ZNF185: variants seen among roughly 807,000 people sequenced by gnomAD.
ZNF185 encodes the protein zinc finger protein 185 with LIM domain, also known as zinc finger protein 185.
ZNF185 carries 56 observed loss-of-function variants against 58.6 expected under a neutral mutation model. That is an observed-to-expected ratio of 0.95 (90% CI 0.77 to 1.19). ZNF185 has a LOEUF of 1.19. Among genes scored for constraint, ZNF185 ranks in the 50% most tolerant of loss-of-function variants. The pLI, the probability that ZNF185 is intolerant of heterozygous loss-of-function variation, is 0.00. For missense variants in ZNF185, 627 were observed against 573.5 expected (o/e 1.09, Z -0.95); for synonymous variants, 230 against 215.9 (o/e 1.07, Z -0.57).
At chrX:152,926,138 G>C (rs550473345) in intron 11 of ZNF185, among the ~76,000 whole-genome samples, 1 of 112,603 alleles carries the variant, frequency 8.9e-6, no homozygotes, top group East Asian at 2.8e-4. Flanking sequence ...GGGGAGCAGG[G>C]AGTAGGAGCA....
intron 11 of ZNF185, among the ~76,000 whole-genome samples, chrX:152,926,870 C>T (rs1940964529): frequency 8.9e-6 from 1 of 112,864 alleles, no homozygotes; most frequent in Non-Finnish European, 1.9e-5. Flanking sequence ...AAGGGCCATG[C>T]TCCCTCCAAA....
exon 17 of ZNF185, chrX:152,959,821 A>G: frequency 8.3e-7 from 1 of 1,211,865 alleles, no homozygotes; most frequent in Non-Finnish European, 1.1e-6. Context: ...CAACCTGCAG[A>G]TCCCAGTACC....
chrX:152,953,205 C>T (rs1488310500), intron 16 of ZNF185, among the ~76,000 whole-genome samples: 3 of 111,484 alleles, frequency 2.7e-5, no homozygotes, highest in Admixed American at 9.5e-5. Flanking sequence ...CTATCCAGGA[C>T]GATTCTGGCT....
Position 152,967,313 on chromosome X carries a change from CTGT to C in ZNF185, c.1871+77_1871+79del, listed in dbSNP as rs1246364733. The C allele has an allele frequency of 5.7e-6, 6 of 1,048,280 alleles. No individual in the cohort carries two copies. In the African/African-American group the frequency reaches 7.4e-5, roughly 13 times the overall value. 86.4% of individuals were successfully genotyped at this position (1,048,280 alleles called of 1,213,427 possible). A position where few individuals can be genotyped will look rare whatever the true frequency, so the allele number is the denominator to read the frequency against. On this transcript the variant is annotated intron_variant, in intron 20 of 22. Transcript: ENST00000449285. ...AGGGAAGGGAGAGTTCCTGCTGAGT[CTGT>C]TTGCTTTTGTCTTCTGCTTTGCAGC...
intron 22 of ZNF185, 128 bp downstream of exon 24, chrX:152,970,669 G>T (rs2050588662): frequency 1.9e-6 from 1 of 533,729 alleles, no homozygotes; most frequent in African/African-American, 2.4e-5. Flanking sequence ...TATGTTCAGG[G>T]GGCCTTGTGT....
chrX:152,953,823 C>T (rs1358027765), intron 16 of ZNF185, among the ~76,000 whole-genome samples: 1 of 112,198 alleles, frequency 8.9e-6, no homozygotes, highest in Non-Finnish European at 1.9e-5. Flanking sequence ...TCACTGCAAC[C>T]ACCACCTCCC....
chrX:152,916,220 C>T (rs1406767344), intron 3 of ZNF185, among the ~76,000 whole-genome samples: 14 of 111,668 alleles, frequency 1.3e-4, no homozygotes, highest in Admixed American at 1.9e-4. Flanking sequence ...TGGAGACTAC[C>T]GGAGGCTCTG....
upstream of ZNF185, among the ~76,000 whole-genome samples, chrX:152,912,708 G>A (rs781836550): frequency 2.7e-4 from 30 of 112,580 alleles, no homozygotes; most frequent in African/African-American, 8.7e-4. Flanking sequence ...AAGACTAGGA[G>A]GTCCTCCTGC....
intron 21 of ZNF185, 119 bp downstream of exon 23, chrX:152,969,603 C>T (rs2050472505): frequency 1.9e-6 from 1 of 533,459 alleles, no homozygotes; most frequent in South Asian, 2.9e-5. Flanking sequence ...GAGGCTTGAT[C>T]TCCATATACA....
chrX:152,936,260 C>G (rs1381088674), intron 14 of ZNF185, among the ~76,000 whole-genome samples, 158 bp from the exon 16 acceptor site: 1 of 112,662 alleles, frequency 8.9e-6, no homozygotes, highest in Middle Eastern at 4.2e-3. Context: ...CCCCAGGTGT[C>G]AGGCTGCCTT....
upstream of ZNF185, among the ~76,000 whole-genome samples, chrX:152,912,671 G>A (rs782237300): frequency 8.9e-6 from 1 of 112,273 alleles, no homozygotes; most frequent in Non-Finnish European, 1.9e-5. Context: ...GTACAGCCTA[G>A]CAAGGTTAGA....
chrX:152,949,543 C>T (rs887890399), intron 16 of ZNF185, among the ~76,000 whole-genome samples: 1 of 111,876 alleles, frequency 8.9e-6, no homozygotes, highest in Non-Finnish European at 1.9e-5. Context: ...TGATGGGCAG[C>T]ATTTAGAGTC....
At chrX:152,941,723 C>T in intron 15 of ZNF185, 3 of 1,164,267 alleles carry the variant, frequency 2.6e-6, no homozygotes, top group Non-Finnish European at 3.4e-6. Context: ...CCGCCCGGGA[C>T]GAGCTCGGCC....
chrX:152,931,693 C>T, exon 13 of ZNF185: 1 of 1,210,133 alleles, frequency 8.3e-7, no homozygotes, highest in Non-Finnish European at 1.1e-6. Flanking sequence ...GCAACAAAGA[C>T]AAGGAGGCCC....
chrX:152,907,606 C>T, the ZNF185 span, among the ~76,000 whole-genome samples: 6 of 113,182 alleles, frequency 5.3e-5, no homozygotes, highest in Non-Finnish European at 1.1e-4. Context: ...GAAGGGCGGG[C>T]CGGGGCATCT....
chrX:152,949,047 T>C (rs2048045833), intron 16 of ZNF185, among the ~76,000 whole-genome samples: 1 of 111,712 alleles, frequency 9.0e-6, no homozygotes, highest in Non-Finnish European at 1.9e-5. Flanking sequence ...GATCCCAAAT[T>C]GGATGACAGG....
At chrX:152,928,725 T>C (rs1941365094) in intron 12 of ZNF185, 64 bp downstream of exon 13, 1 of 1,114,050 alleles carries the variant, frequency 9.0e-7, no homozygotes, top group African/African-American at 1.8e-5. Flanking sequence ...AGCAGCAGCC[T>C]CAGGTGGCAA....
At chrX:152,939,378 G>C (rs782616583) in intron 15 of ZNF185, among the ~76,000 whole-genome samples, 21 of 112,015 alleles carry the variant, frequency 1.9e-4, no homozygotes, top group Non-Finnish European at 3.8e-4. Context: ...TTGTGAGATG[G>C]GTAAGGTGGG....
exon 11 of ZNF185, chrX:152,922,721 G>A (rs1940002463): frequency 1.7e-6 from 2 of 1,197,722 alleles, no homozygotes; most frequent in Middle Eastern, 2.3e-4. Flanking sequence ...CTTTGCCAGT[G>A]CGGATGGAGG....
Sources: allele counts gnomAD v4.1 joint callset (sites outside exome capture counted in the v4.1 genomes callset), GRCh38; gene constraint gnomAD v4.1.1; transcripts MANE v1.5; gene names NCBI Gene and HGNC (gene_info 2026-07-23, HGNC 2026-07-21).